The following DIAPH2 variants were observed in gnomAD, a reference collection of about 807,000 sequenced individuals.
DIAPH2 encodes diaphanous related formin 2, also known as protein diaphanous homolog 2.
Under a neutral mutation model 92.7 loss-of-function variants are expected in DIAPH2, and 35 were observed. That is an observed-to-expected ratio of 0.38 (90% CI 0.29 to 0.50). The LOEUF is 0.50. Among genes scored for constraint, DIAPH2 ranks in the 20% least tolerant of loss-of-function variants. The pLI is 0.94. For synonymous variants in DIAPH2, 301 were observed against 280.4 expected, an observed-to-expected ratio of 1.07 and a Z score of -0.73; for missense variants, 701 against 819.5, an observed-to-expected ratio of 0.86 and a Z score of 1.77.
intron 24 of DIAPH2, among the ~76,000 whole-genome samples, chrX:97,382,876 T>A (rs1459536022): frequency 8.9e-6 from 1 of 112,473 alleles, no homozygotes. Context: ...TGTAGACGTA[T>A]TCTCGTTATT....
rs770509871 is a variant in DIAPH2, at chrX:96,952,694, C to G, written c.1614+3655C>G. On this transcript the variant is annotated intron_variant, in intron 15 of 26. Coordinates refer to ENST00000324765, the MANE Select transcript of DIAPH2 (RefSeq NM_006729.5). ...AGGTTGCAGTGAGCTGAGATTGTGC[C>G]ACTGCACTCCAGCCTGGGCAACAAG... Among the ~76,000 whole-genome samples, 14 of 110,681 alleles carry G rather than the reference C, an allele frequency of 1.3e-4. 1 individual carries two copies. The South Asian group carries it at 3.8e-3, about 30-fold the overall frequency.
chrX:97,293,675 T>G (rs781056304), intron 23 of DIAPH2, among the ~76,000 whole-genome samples: 32 of 112,265 alleles, frequency 2.9e-4, no homozygotes, highest in African/African-American at 1.0e-3. Flanking sequence ...TATAAATAGT[T>G]GATTATTTTT....
At chrX:97,038,722 A>G (rs1286769326) in intron 17 of DIAPH2, among the ~76,000 whole-genome samples, 1 of 109,593 alleles carries the variant, frequency 9.1e-6, no homozygotes, top group Non-Finnish European at 1.9e-5. Flanking sequence ...GATGCTGAGC[A>G]TTTCTTCATG....
At chrX:97,289,870 G>C (rs988053143) in intron 23 of DIAPH2, among the ~76,000 whole-genome samples, 2 of 109,924 alleles carry the variant, frequency 1.8e-5, no homozygotes, top group Admixed American at 9.8e-5. Context: ...GACTACACGC[G>C]TGTGCCAGCA....
At chrX:97,533,975 C>G (rs1001477636) in intron 26 of DIAPH2, among the ~76,000 whole-genome samples, 1 of 111,452 alleles carries the variant, frequency 9.0e-6, no homozygotes, top group African/African-American at 3.3e-5. Context: ...TCTAACTCAA[C>G]CAAAATGAGC....
At chrX:96,902,210 C>G (rs2065402320) in intron 5 of DIAPH2, among the ~76,000 whole-genome samples, 1 of 112,000 alleles carries the variant, frequency 8.9e-6, no homozygotes, top group African/African-American at 3.2e-5. Context: ...ATCAGATGGT[C>G]TGTCTTGGAG....
rs180864205 is a variant in DIAPH2, at chrX:97,300,659, G to A, written c.2845-47457G>A. ...ACAAGAAGAATGTCTCCGGCCGGGC[G>A]CGGTGGCTCACGCCTGTAATCCCAG... is the stretch of plus-strand genomic sequence containing the variant. On this transcript the variant is annotated intron_variant, in intron 23 of 26. Transcript: ENST00000324765. Among the ~76,000 whole-genome samples, 666 of 101,727 alleles carry A rather than the reference G, an allele frequency of 6.5e-3. 9 individuals carry two copies. The highest frequency in any genetic ancestry group is 0.023 in the African/African-American group (648 of 28,394). The allele number at this position is 101,727 out of a possible 115,157, so 88.3% of individuals were successfully genotyped here. A position where few individuals can be genotyped will look rare whatever the true frequency, so the allele number is the denominator to read the frequency against.
At chrX:97,441,792 G>A (rs991381117) in intron 26 of DIAPH2, among the ~76,000 whole-genome samples, 4 of 112,757 alleles carry the variant, frequency 3.5e-5, no homozygotes, top group Admixed American at 9.3e-5. Flanking sequence ...CCAGCCTGGC[G>A]ACAGAGCGAG....
chrX:97,161,043 G>GTTTTTTTTTTTTTT (rs1376550732), intron 22 of DIAPH2, among the ~76,000 whole-genome samples: 1 of 83,226 alleles, frequency 1.2e-5, no homozygotes, highest in African/African-American at 3.9e-5. Flanking sequence ...TTTGTTTTTT[G>GTTTTTTTTTTTTTT]TTTTTTTGTT....
intron 24 of DIAPH2, among the ~76,000 whole-genome samples, chrX:97,354,621 G>A (rs1407548975): frequency 8.9e-6 from 1 of 111,804 alleles, no homozygotes; most frequent in Non-Finnish European, 1.9e-5. Context: ...TGATCCACCT[G>A]CCTCGGCCTC....
intron 22 of DIAPH2, among the ~76,000 whole-genome samples, chrX:97,216,687 G>C (rs2067886390): frequency 9.0e-6 from 1 of 111,499 alleles, no homozygotes; most frequent in Non-Finnish European, 1.9e-5. Flanking sequence ...TGTAACATTT[G>C]TATGATCCTG....
chrX:97,254,648 G>A (rs1174086003), intron 23 of DIAPH2, among the ~76,000 whole-genome samples: 1 of 110,366 alleles, frequency 9.1e-6, no homozygotes, highest in African/African-American at 3.3e-5. Flanking sequence ...CTAAGTGACC[G>A]CCAAAGCAAT....
chrX:96,926,653 G>A (rs5921888), intron 9 of DIAPH2, among the ~76,000 whole-genome samples: 4,323 of 111,383 alleles, frequency 0.039, 104 homozygotes, highest in Middle Eastern at 0.087. Flanking sequence ...AATTATACAT[G>A]ACATAAATGA....
chrX:97,008,694 T>G lies in DIAPH2; in HGVS notation c.2050+43487T>G, dbSNP rs141132945. Among the ~76,000 whole-genome samples, 892 of 111,565 alleles carry G rather than the reference T, an allele frequency of 8.0e-3. 11 individuals carry two copies. Among genetic ancestry groups the G allele is most frequent in the African/African-American group, 0.028 (853 of 30,642 alleles). ...TTTGCAGACTTGTAGGGGAACTGCC[T>G]TGGTGGTATTGGATAATATCTGGAA... On this transcript the variant is annotated intron_variant, in intron 17 of 26. Coordinates refer to ENST00000324765, the MANE Select transcript of DIAPH2 (RefSeq NM_006729.5).
chrX:97,259,251 C>T (rs1178683655), intron 23 of DIAPH2, among the ~76,000 whole-genome samples: 1 of 109,760 alleles, frequency 9.1e-6, no homozygotes, highest in Non-Finnish European at 1.9e-5. Flanking sequence ...CACTTGAACC[C>T]AGGAGGCGGA....
At chrX:96,883,571 G>T (rs756831170) in intron 5 of DIAPH2, among the ~76,000 whole-genome samples, 37 of 109,690 alleles carry the variant, frequency 3.4e-4, no homozygotes, top group African/African-American at 1.2e-3. Context: ...AGTAGAGACG[G>T]GATTTCACCA....
At chrX:97,549,639 C>G (rs948939018) in intron 26 of DIAPH2, among the ~76,000 whole-genome samples, 36 of 111,187 alleles carry the variant, frequency 3.2e-4, no homozygotes, top group African/African-American at 1.2e-3. Context: ...ACCACTTAAT[C>G]TATAGACTTT....
chrX:97,383,960 A>C lies in DIAPH2; in HGVS notation c.3061A>C (p.Arg1021=), dbSNP rs947066356. 6 of 1,205,824 alleles carry C rather than the reference A, an allele frequency of 5.0e-6. No homozygotes were observed. The highest frequency in any genetic ancestry group is 6.7e-6 in the Non-Finnish European group (6 of 891,722). ...KRREMEEKTR[R]AKLAKEKAEQ... is the part of the protein sequence containing the mutation. ...AAGAGAAATGGAAGAGAAGACCAGG[A>C]GGGCAAAACTTGCAAAAGAGAAAGC... The change falls in exon 25 of 27, where the codon AGG becomes CGG. Residue 1021 remains arginine, a synonymous_variant. Transcript: ENST00000324765.
At chrX:96,937,933 A>G (rs1389483939) in intron 11 of DIAPH2, among the ~76,000 whole-genome samples, 1 of 111,753 alleles carries the variant, frequency 8.9e-6, no homozygotes, top group African/African-American at 3.2e-5. Context: ...GATCTAAGAG[A>G]TGGTTGTCAC....
Sources: allele counts gnomAD v4.1 joint callset (sites outside exome capture counted in the v4.1 genomes callset), GRCh38; gene constraint gnomAD v4.1.1; transcripts MANE v1.5; gene names NCBI Gene and HGNC (gene_info 2026-07-23, HGNC 2026-07-21).